Variants in POU6F2 observed in about 807,000 individuals in gnomAD.
The protein encoded by POU6F2 is POU domain, class 6, transcription factor 2.
POU6F2 carries 31 observed loss-of-function variants against 71.3 expected under a neutral mutation model. The ratio of observed to expected loss-of-function variants is 0.43; its 90% CI spans 0.33 to 0.59. The LOEUF is 0.59. Ranked by LOEUF, POU6F2 falls within the 20% of genes least tolerant of loss-of-function variation. POU6F2 has a pLI of 0.04. For synonymous variants in POU6F2, 347 were observed against 355.7 expected (o/e 0.98, Z 0.27); for missense variants, 783 against 856.8 (o/e 0.91, Z 1.07).
chr7:39,160,265 C>T (rs1390134057), intron 2 of POU6F2, among the ~76,000 whole-genome samples: 1 of 152,174 alleles, frequency 6.6e-6, no homozygotes, highest in Non-Finnish European at 1.5e-5. Flanking sequence ...AGACTGAGAA[C>T]AGCCAAATGG....
At chr7:39,385,728 A>T (rs1562810810) in intron 5 of POU6F2, among the ~76,000 whole-genome samples, 1 of 152,114 alleles carries the variant, frequency 6.6e-6, no homozygotes, top group Non-Finnish European at 1.5e-5. Context: ...GCTGTCCGGG[A>T]GTGCTCTTGG....
chr7:39,358,193 T>C (rs1459204523), intron 5 of POU6F2, among the ~76,000 whole-genome samples: 1 of 152,224 alleles, frequency 6.6e-6, no homozygotes, highest in African/African-American at 2.4e-5. Context: ...ATAGGTAGTT[T>C]TTTTTTAACA....
intron 4 of POU6F2, among the ~76,000 whole-genome samples, chr7:39,238,326 T>C (rs1393242213): frequency 6.6e-6 from 1 of 152,254 alleles, no homozygotes; most frequent in South Asian, 2.1e-4. Flanking sequence ...CAGTGTCTGT[T>C]TCCTCTCCCT....
chr7:39,040,188 T>G (rs1009877974), intron 1 of POU6F2, among the ~76,000 whole-genome samples: 1 of 126,208 alleles, frequency 7.9e-6, no homozygotes, highest in Non-Finnish European at 1.7e-5. Flanking sequence ...GCACTTTACT[T>G]CTATAGCAAG....
intron 4 of POU6F2, among the ~76,000 whole-genome samples, chr7:39,286,570 G>A (rs563958282): frequency 6.6e-6 from 1 of 152,066 alleles, no homozygotes; most frequent in Non-Finnish European, 1.5e-5. Context: ...AACATTCCTG[G>A]TGATGGGGAG....
intron 2 of POU6F2, among the ~76,000 whole-genome samples, chr7:39,193,529 C>A (rs949014133): frequency 2.0e-5 from 3 of 152,118 alleles, no homozygotes; most frequent in African/African-American, 7.2e-5. Context: ...ATTCAGATCC[C>A]AACTCTATCA....
intron 4 of POU6F2, among the ~76,000 whole-genome samples, chr7:39,316,081 A>T (rs557988370): frequency 1.3e-5 from 2 of 152,266 alleles, no homozygotes; most frequent in African/African-American, 2.4e-5. Context: ...AACAGCAATG[A>T]GAGTGGTCAC....
At chr7:39,412,852 G>A (rs1002841715) in intron 6 of POU6F2, among the ~76,000 whole-genome samples, 2 of 124,650 alleles carry the variant, frequency 1.6e-5, no homozygotes, top group Non-Finnish European at 3.2e-5. Flanking sequence ...CCAGGCTGGA[G>A]TGCAGTGGTG....
chr7:39,114,358 G>A (rs1479168857), intron 2 of POU6F2, among the ~76,000 whole-genome samples: 1 of 151,964 alleles, frequency 6.6e-6, no homozygotes, highest in African/African-American at 2.4e-5. Context: ...TTTGACTGTG[G>A]GAATTTAGCA....
chr7:39,320,913 A>G (rs2128768926), intron 4 of POU6F2, among the ~76,000 whole-genome samples: 1 of 152,136 alleles, frequency 6.6e-6, no homozygotes, highest in African/African-American at 2.4e-5. Context: ...AAAATTAGCC[A>G]GGCATGGTGG....
chr7:38,996,624 AG>A (rs1788746259), intron 1 of POU6F2, among the ~76,000 whole-genome samples: 1 of 152,226 alleles, frequency 6.6e-6, no homozygotes, highest in African/African-American at 2.4e-5. Context: ...TGGATGCTAA[AG>A]GCATCTTTCC....
chr7:39,112,427 C>T lies in POU6F2; in HGVS notation c.277+26396C>T, dbSNP rs200482402. Reference sequence around the variant, plus strand: ...ACAGTACGTAATATATTATTGCATGCTTATACTATTGGTACTATTGCTTGA... The same window carrying T: ...ACAGTACGTAATATATTATTGCATGTTTATACTATTGGTACTATTGCTTGA... On this transcript the variant is annotated intron_variant, in intron 2 of 9. Transcript: ENST00000518318. Among the ~76,000 whole-genome samples, 6 of 152,202 alleles carry T rather than the reference C, an allele frequency of 3.9e-5. No homozygotes were observed. The East Asian group carries it at 1.2e-3, about 29-fold the overall frequency.
At chr7:39,072,329 T>A (rs1790901271) in intron 1 of POU6F2, among the ~76,000 whole-genome samples, 1 of 152,158 alleles carries the variant, frequency 6.6e-6, no homozygotes, top group Non-Finnish European at 1.5e-5. Flanking sequence ...CGCTTACATA[T>A]TAAAATTTGG....
intron 2 of POU6F2, among the ~76,000 whole-genome samples, chr7:39,147,388 A>C (rs2128733226): frequency 6.6e-6 from 1 of 152,306 alleles, no homozygotes. Flanking sequence ...CTTGTAGGAG[A>C]CGTGTGAGCT....
chr7:39,236,377 T>A (rs1794677546), intron 4 of POU6F2, among the ~76,000 whole-genome samples: 1 of 152,200 alleles, frequency 6.6e-6, no homozygotes, highest in South Asian at 2.1e-4. Context: ...ATGGCATTGG[T>A]AATAATGGAA....
intron 4 of POU6F2, among the ~76,000 whole-genome samples, chr7:39,254,483 C>A (rs923467401): frequency 1.3e-5 from 2 of 152,070 alleles, no homozygotes; most frequent in African/African-American, 4.8e-5. Context: ...TGAGGATCTC[C>A]TGGGAATCTA....
At chr7:39,123,726 A>G (rs1475862592) in intron 2 of POU6F2, among the ~76,000 whole-genome samples, 1 of 151,664 alleles carries the variant, frequency 6.6e-6, no homozygotes, top group Non-Finnish European at 1.5e-5. Context: ...GCCTCATAGC[A>G]ATGACTCCTC....
chr7:39,404,451 TA>T (rs1165398862), intron 5 of POU6F2: 1 of 152,196 alleles, frequency 6.6e-6, no homozygotes, highest in Admixed American at 6.5e-5. Context: ...TTGCAATTAA[TA>T]AAAAATATTT....
intron 2 of POU6F2, among the ~76,000 whole-genome samples, chr7:39,198,921 A>G (rs1793839565): frequency 6.6e-6 from 1 of 152,226 alleles, no homozygotes; most frequent in Admixed American, 6.5e-5. Context: ...CCCAACATGA[A>G]ATAATAATGC....
Sources: gnomAD v4.1 joint callset for allele counts (sites outside exome capture counted in the v4.1 genomes callset) on GRCh38, gnomAD v4.1.1 for gene constraint, MANE v1.5 for transcripts, NCBI Gene and HGNC (gene_info 2026-07-23, HGNC 2026-07-21) for gene names.